MYO18B: variants seen among roughly 807,000 people sequenced by gnomAD.
MYO18B encodes the protein unconventional myosin-XVIIIb.
MYO18B carries 204 observed loss-of-function variants against 273.0 expected under a neutral mutation model. The observed-to-expected ratio is 0.75, with a 90% CI of 0.67 to 0.84. The LOEUF (loss-of-function observed/expected upper bound fraction) is 0.84. Ranked by LOEUF, MYO18B falls within the 40% of genes least tolerant of loss-of-function variation. MYO18B has a pLI of 0.00. For missense variants in MYO18B, 3,212 were observed against 3,287.6 expected (o/e 0.98, Z 0.56); for synonymous variants, 1,330 against 1,305.7 (o/e 1.02, Z -0.40).
intron 33 of MYO18B, 142 bp from the exon 34 acceptor site, chr22:25,921,115 C>A: frequency 1.3e-6 from 1 of 793,712 alleles, no homozygotes; most frequent in Non-Finnish European, 1.9e-6. Context: ...AACTGAGGCT[C>A]GGAGAGGAGA....
intron 20 of MYO18B, among the ~76,000 whole-genome samples, chr22:25,847,954 C>T (rs73879570): frequency 6.2e-4 from 29 of 46,920 alleles, no homozygotes; most frequent in Admixed American, 3.9e-3. Context: ...CACATACACA[C>T]ACACACACAC....
chr22:25,753,770 A>T (rs1334950309), intron 1 of MYO18B, among the ~76,000 whole-genome samples: 1 of 152,132 alleles, frequency 6.6e-6, no homozygotes, highest in African/African-American at 2.4e-5. Context: ...AGTCAGTGAG[A>T]CCGCGAACCC....
chr22:25,823,969 C>T (rs1045654491), intron 13 of MYO18B, among the ~76,000 whole-genome samples: 83 of 152,078 alleles, frequency 5.5e-4, no homozygotes, highest in African/African-American at 1.9e-3. Context: ...GCATTTCCAT[C>T]GGATTTCGTG....
chr22:25,845,461 A>G (rs539799984), intron 18 of MYO18B, among the ~76,000 whole-genome samples: 30 of 152,268 alleles, frequency 2.0e-4, no homozygotes, highest in South Asian at 1.7e-3. Flanking sequence ...AGGTTGCAGT[A>G]AGCCGAGATT....
chr22:25,798,587 A>G (rs754224858), intron 12 of MYO18B, among the ~76,000 whole-genome samples: 4 of 151,888 alleles, frequency 2.6e-5, no homozygotes, highest in Non-Finnish European at 4.4e-5. Flanking sequence ...TCATTGAGAT[A>G]GGGTCTTGCA....
chr22:25,854,880 T>G (rs922790729), intron 21 of MYO18B, among the ~76,000 whole-genome samples: 2 of 152,234 alleles, frequency 1.3e-5, no homozygotes, highest in African/African-American at 4.8e-5. Flanking sequence ...CCATTGTGGA[T>G]GTATACCTTA....
intron 28 of MYO18B, chr22:25,896,736 G>A (rs1319294851): frequency 6.6e-6 from 1 of 152,068 alleles, no homozygotes; most frequent in East Asian, 1.9e-4. Context: ...AACAAATGGT[G>A]TGCTAGTAAA....
At chr22:25,745,111 T>G (rs1359451099) in intron 1 of MYO18B, among the ~76,000 whole-genome samples, 2 of 152,100 alleles carry the variant, frequency 1.3e-5, no homozygotes, top group Non-Finnish European at 2.9e-5. Flanking sequence ...AATTGCGTCT[T>G]ATTTTATTTT....
intron 10 of MYO18B, among the ~76,000 whole-genome samples, chr22:25,783,628 AC>A (rs796309144): frequency 2.0e-5 from 3 of 152,286 alleles, no homozygotes; most frequent in African/African-American, 7.2e-5. Context: ...TTGGAGGCTT[AC>A]CCTGGGGTGG....
chr22:25,960,209 A>G (rs1047814017), intron 39 of MYO18B, among the ~76,000 whole-genome samples: 4 of 152,160 alleles, frequency 2.6e-5, no homozygotes, highest in African/African-American at 7.2e-5. Flanking sequence ...AGGAGCCATT[A>G]TGGAGAAAAT....
At chr22:25,868,838 T>C (rs2090966037) in intron 22 of MYO18B, among the ~76,000 whole-genome samples, 1 of 152,232 alleles carries the variant, frequency 6.6e-6, no homozygotes, top group Non-Finnish European at 1.5e-5. Context: ...CCCGTGATTA[T>C]TCAGGTTGAC....
rs2087188710 is a variant in MYO18B at position 25,782,128 on chromosome 22, C to A, written c.2312+294C>A. 2.6e-5 allele frequency among the ~76,000 whole-genome samples: 4 copies of A among 151,616 alleles called. No homozygotes were observed. In the South Asian group the frequency reaches 8.3e-4, roughly 32 times the overall value. ...TTTACATTCAGCTCTTTATAGGTCA[C>A]ATGTCATCCACCCTGAGCCTCGGTT... On this transcript the variant is annotated intron_variant, in intron 10 of 43. Transcript: ENST00000335473.
chr22:25,822,010 A>G (rs74820441), intron 12 of MYO18B, among the ~76,000 whole-genome samples: 3,555 of 152,240 alleles, frequency 0.023, 112 homozygotes, highest in African/African-American at 0.077. Flanking sequence ...CTTTTCACTT[A>G]GCATTCAGGT....
intron 25 of MYO18B, 37 bp from the exon 26 acceptor site, chr22:25,890,719 A>C (rs754834299): frequency 2.5e-6 from 4 of 1,611,022 alleles, no homozygotes; most frequent in African/African-American, 1.3e-5. Context: ...GGCTCCATCG[A>C]GTGACCGTTC....
chr22:26,002,810 G>T (rs1934082523), intron 40 of MYO18B, among the ~76,000 whole-genome samples: 1 of 152,266 alleles, frequency 6.6e-6, no homozygotes, highest in African/African-American at 2.4e-5. Flanking sequence ...CTAAAGAACA[G>T]CTACCATCGT....
At position 25,777,600 on chromosome 22, in the gene MYO18B, G is replaced by A; in HGVS notation, c.1887G>A (p.Arg629=). Residue 629 remains arginine, a synonymous_variant, in exon 8 of 44, where the codon CGG becomes CGA. Coordinates refer to ENST00000335473, the MANE Select transcript of MYO18B (RefSeq NM_032608.7). The stretch of plus-strand genomic sequence containing the variant: ...TCCTGCAGGTGCCCAAGGGCCGCCG[G>A]GATGGCCTGCCTGCCCACATTGGCT... ...PSAGKVPKGR[R]DGLPAHIGSM... 2 of 1,596,224 alleles carry A rather than the reference G, an allele frequency of 1.3e-6. No homozygotes were observed. The highest frequency in any genetic ancestry group is 8.5e-7 in the Non-Finnish European group (1 of 1,171,772).
intron 42 of MYO18B, among the ~76,000 whole-genome samples, chr22:26,007,447 TTC>T: frequency 6.6e-6 from 1 of 152,328 alleles, no homozygotes; most frequent in African/African-American, 2.4e-5. Context: ...CTCTCTGACA[TTC>T]ATCCAGGAGG....
chr22:25,753,632 CAA>C (rs1399531410), intron 1 of MYO18B, among the ~76,000 whole-genome samples: 1 of 152,134 alleles, frequency 6.6e-6, no homozygotes, highest in Non-Finnish European at 1.5e-5. Flanking sequence ...ACACTCACCG[CAA>C]AAGTCTGTAG....
the MYO18B span, among the ~76,000 whole-genome samples, chr22:26,055,428 G>T: frequency 1.5e-3 from 224 of 152,364 alleles, no homozygotes; most frequent in African/African-American, 5.2e-3. Flanking sequence ...CTCTAATCCG[G>T]TGAGAATGAG....
Sources: allele counts gnomAD v4.1 joint callset (sites outside exome capture counted in the v4.1 genomes callset), GRCh38; gene constraint gnomAD v4.1.1; transcripts MANE v1.5; gene names NCBI Gene and HGNC (gene_info 2026-07-23, HGNC 2026-07-21).